Variants in STPG1 observed in about 807,000 individuals in gnomAD.
STPG1 encodes the protein sperm tail PG-rich repeat containing 1.
STPG1 carries 33 observed loss-of-function variants against 40.1 expected under a neutral mutation model. The ratio of observed to expected loss-of-function variants is 0.82; its 90% confidence interval spans 0.62 to 1.10. STPG1 has a LOEUF of 1.10. Ranked by LOEUF, STPG1 falls within the 50% of genes least tolerant of loss-of-function variation. STPG1 has a pLI of 0.00. For synonymous variants in STPG1, 150 were observed against 155.0 expected (o/e 0.97, Z 0.24); for missense variants, 396 against 415.1 (o/e 0.95, Z 0.40).
chr1:24,396,057 G>A (rs1296740963), intron 2 of STPG1, among the ~76,000 whole-genome samples: 2 of 151,880 alleles, frequency 1.3e-5, no homozygotes, highest in Non-Finnish European at 2.9e-5. Context: ...CAAGTAAAAT[G>A]TTTAACAACA....
In STPG1 at chr1:24,373,818, G is replaced by A. The variant is rs750910867; in HGVS notation, c.463-8C>T. 4.4e-6 allele frequency: 7 copies of A among 1,582,060 alleles called. No individual in the cohort carries two copies. Among genetic ancestry groups the A allele is most frequent in the Non-Finnish European group, 6.1e-6 (7 of 1,151,974 alleles). ...GCAGCAAGAGACAGAGGCCTAGGGG[G>A]AGAAAATACACCCAATGTACTCAGT... On this transcript the variant is annotated splice_region_variant and splice_polypyrimidine_tract_variant and intron_variant, in intron 5 of 8. Coordinates refer to ENST00000337248, the MANE Select transcript of STPG1 (RefSeq NM_001199013.2).
rs1420735975 is a variant in STPG1, at chr1:24,399,355, G to C, written c.70+1964C>G. 6.6e-6 allele frequency among the ~76,000 whole-genome samples: 1 copy of C among 152,084 alleles called. No homozygotes were observed. Among genetic ancestry groups the C allele is most frequent in the Non-Finnish European group, 1.5e-5 (1 of 67,990 alleles). On this transcript the variant is annotated intron_variant, in intron 2 of 8. Transcript: ENST00000337248. The surrounding 1 kb of genome is among the most constrained non-coding windows in gnomAD (Gnocchi z 4.0). ...GCAGCCTTTCAATAAATGGTGCTGG[G>C]TCAACATGGAAAACAACAGACTCGG...
intron 3 of STPG1, among the ~76,000 whole-genome samples, chr1:24,389,460 T>A (rs1347181736): frequency 6.6e-6 from 1 of 152,202 alleles, no homozygotes; most frequent in Non-Finnish European, 1.5e-5. Flanking sequence ...GGTTGAGGTC[T>A]AATTCTTTCA....
intron 7 of STPG1, chr1:24,364,179 T>C (rs1050156757): frequency 1.3e-6 from 2 of 1,491,414 alleles, no homozygotes; most frequent in South Asian, 2.7e-5. Context: ...TCTCACTTTC[T>C]TCCAGGGAAA....
intron 7 of STPG1, among the ~76,000 whole-genome samples, chr1:24,365,060 T>A (rs1641368292): frequency 6.6e-6 from 1 of 152,186 alleles, no homozygotes; most frequent in Admixed American, 6.5e-5. Flanking sequence ...GGCAGCCGAT[T>A]GCCTCTGGGG....
At chr1:24,378,227 A>G (rs1049281019) in intron 5 of STPG1, among the ~76,000 whole-genome samples, 3 of 152,220 alleles carry the variant, frequency 2.0e-5, no homozygotes, top group African/African-American at 2.4e-5. Flanking sequence ...TATAAAATTC[A>G]TAACTTTTAT....
intron 1 of STPG1, among the ~76,000 whole-genome samples, chr1:24,408,477 A>G (rs541311150): frequency 6.6e-6 from 1 of 152,352 alleles, no homozygotes; most frequent in African/African-American, 2.4e-5. Flanking sequence ...GGTTCTCCCT[A>G]TAAATTCTAG....
intron 7 of STPG1, chr1:24,364,038 C>A: frequency 8.1e-7 from 1 of 1,240,092 alleles, no homozygotes; most frequent in Non-Finnish European, 1.1e-6. Context: ...CTCCCATGTC[C>A]TGCTGCTTCC....
intron 3 of STPG1, among the ~76,000 whole-genome samples, chr1:24,387,187 G>A (rs778966579): frequency 6.6e-6 from 1 of 152,198 alleles, no homozygotes; most frequent in Non-Finnish European, 1.5e-5. Context: ...GAAACCTACT[G>A]TGCATCAGGA....
chr1:24,366,203 G>A (rs1569986501), intron 7 of STPG1, among the ~76,000 whole-genome samples: 4 of 152,296 alleles, frequency 2.6e-5, no homozygotes, highest in Middle Eastern at 3.4e-3. Flanking sequence ...TGGCACGCGT[G>A]TGTTCCCGAG....
intron 4 of STPG1, among the ~76,000 whole-genome samples, chr1:24,380,719 G>T (rs751060417): frequency 6.6e-6 from 1 of 152,140 alleles, no homozygotes; most frequent in Non-Finnish European, 1.5e-5. Context: ...CTAGCATTTG[G>T]GGGGGTGTAG....
At chr1:24,364,120 T>C in intron 7 of STPG1, 1 of 1,465,874 alleles carries the variant, frequency 6.8e-7, no homozygotes, top group Middle Eastern at 1.8e-4. Context: ...CTGTTCCTTC[T>C]GTGAGAAACA....
chr1:24,372,331 C>G (rs1366426912), intron 6 of STPG1, among the ~76,000 whole-genome samples: 1 of 152,220 alleles, frequency 6.6e-6, no homozygotes, highest in Non-Finnish European at 1.5e-5. Flanking sequence ...GTGGTGAGTA[C>G]CTGCTCCATG....
chr1:24,391,430 G>C, intron 3 of STPG1, 131 bp downstream of exon 3: 1 of 561,592 alleles, frequency 1.8e-6, no homozygotes. Context: ...AGTGGAGCTG[G>C]TGCCGCGGCT....
At position 24,379,686 on chromosome 1, in the gene STPG1, G is replaced by T. The variant is rs374777670; in HGVS notation, c.429C>A (p.Leu143=). 1 of 1,614,210 alleles carries T rather than the reference G, an allele frequency of 6.2e-7. No homozygotes were observed. The highest frequency in any genetic ancestry group is 1.1e-5 in the South Asian group (1 of 91,086). The part of the protein sequence containing the change: ...MFQLPSFMKA[L]KFETPAPNYY... Reference sequence around the variant, plus strand: ...AGTTTGGTGCAGGAGTTTCAAACTTGAGAGCTTTCATAAAGCTTGGCAACT... The same window carrying T: ...AGTTTGGTGCAGGAGTTTCAAACTTTAGAGCTTTCATAAAGCTTGGCAACT... Residue 143 remains leucine (L), a synonymous_variant, in exon 5 of 9, where the codon CTC becomes CTA. Transcript: ENST00000337248.
At chr1:24,409,137 G>A (rs1365137641) in intron 1 of STPG1, among the ~76,000 whole-genome samples, 1 of 152,164 alleles carries the variant, frequency 6.6e-6, no homozygotes, top group Non-Finnish European at 1.5e-5. Context: ...GGAGGCCGAG[G>A]TTAGGCGATA....
At chr1:24,383,482 T>C (rs1642376168) in intron 4 of STPG1, among the ~76,000 whole-genome samples, 1 of 152,224 alleles carries the variant, frequency 6.6e-6, no homozygotes, top group African/African-American at 2.4e-5. Context: ...TCAGGCCCAC[T>C]GCCGGCTTTC....
At position 24,358,460 on chromosome 1, in the gene STPG1, C is replaced by A; in HGVS notation, c.*83G>T. ...AGTTGTCAGCTGCCACACTCATGAT[C>A]GGTCTCCTCCTGAGGAATGTCCTGG... On this transcript the variant is annotated 3_prime_UTR_variant, in exon 9 of 9. Transcript: ENST00000337248. The A allele has an allele frequency of 1.7e-6, 2 of 1,179,734 alleles. No individual in the cohort carries two copies. Among genetic ancestry groups the A allele is most frequent in the South Asian group, 2.4e-5 (2 of 82,198 alleles). The allele number at this position is 1,179,734 out of a possible 1,614,324, so 73.1% of individuals were successfully genotyped here. A position where few individuals can be genotyped will look rare whatever the true frequency, so the allele number is the denominator to read the frequency against.
rs778161649 is a variant in STPG1, at chr1:24,379,651, A to G, written c.462+2T>C. 1.2e-6 allele frequency: 2 copies of G among 1,614,082 alleles called. No homozygotes were observed. On this transcript the variant is annotated splice_donor_variant, in intron 5 of 8. Coordinates refer to ENST00000337248, the MANE Select transcript of STPG1 (RefSeq NM_001199013.2). LOFTEE classifies it high-confidence loss of function. ...TTTAGCAAGCATAGGCAGAGTTCTTACATTGTAATAGTTTGGTGCAGGAGT... is the reference window on the plus strand; with the variant it reads ...TTTAGCAAGCATAGGCAGAGTTCTTGCATTGTAATAGTTTGGTGCAGGAGT...
Sources: allele counts gnomAD v4.1 joint callset (sites outside exome capture counted in the v4.1 genomes callset), GRCh38; gene constraint gnomAD v4.1.1; non-coding constraint Gnocchi (gnomAD v3.1); transcripts MANE v1.5; gene names NCBI Gene and HGNC (gene_info 2026-07-23, HGNC 2026-07-21).